IMMP2L: variants seen among roughly 807,000 people sequenced by gnomAD.
IMMP2L encodes the protein inner mitochondrial membrane peptidase subunit 2.
Under a neutral mutation model 19.3 loss-of-function variants are expected in IMMP2L, and 18 were observed. The observed-to-expected ratio is 0.93, with a 90% CI of 0.64 to 1.38. IMMP2L has a LOEUF of 1.38. IMMP2L is among the 40% of genes most tolerant of loss of function. IMMP2L has a pLI of 0.00. For missense variants in IMMP2L, 233 were observed against 218.2 expected (o/e 1.07, Z -0.43); for synonymous variants, 76 against 73.0 (o/e 1.04, Z -0.21).
At chr7:111,023,149 C>T (rs1178288322) in intron 3 of IMMP2L, among the ~76,000 whole-genome samples, 1 of 152,132 alleles carries the variant, frequency 6.6e-6, no homozygotes, top group Non-Finnish European at 1.5e-5. Flanking sequence ...AATGAGATTT[C>T]GCATTTCTCT....
chr7:110,809,340 T>C (rs1801860115), intron 5 of IMMP2L, among the ~76,000 whole-genome samples: 1 of 152,038 alleles, frequency 6.6e-6, no homozygotes, highest in South Asian at 2.1e-4. Flanking sequence ...AAAATACCTG[T>C]CATGCCTATC....
At chr7:111,505,061 G>A (rs913339513) in intron 2 of IMMP2L, among the ~76,000 whole-genome samples, 23 of 151,896 alleles carry the variant, frequency 1.5e-4, no homozygotes, top group Non-Finnish European at 2.2e-4. Context: ...AAAAATTTTC[G>A]CAACCTACTC....
At chr7:111,326,744 G>T (rs1032740977) in intron 3 of IMMP2L, among the ~76,000 whole-genome samples, 9 of 151,774 alleles carry the variant, frequency 5.9e-5, no homozygotes, top group Non-Finnish European at 1.2e-4. Context: ...ATGCACTGTT[G>T]GTGGGAAATG....
chr7:111,110,691 A>G (rs1799096482), intron 3 of IMMP2L, among the ~76,000 whole-genome samples: 1 of 152,130 alleles, frequency 6.6e-6, no homozygotes, highest in South Asian at 2.1e-4. Flanking sequence ...ATATGAAATT[A>G]ATGTTGAGTA....
Position 111,134,795 on chromosome 7 carries a change from T to C in IMMP2L, c.240-171230A>G, listed in dbSNP as rs375153143. ...AAAGCACATCACATCCACCTTCCTG[T>C]GACATTTAAAATACTCATACCTGAA... On this transcript the variant is annotated intron_variant, in intron 3 of 5. Coordinates refer to ENST00000405709, the MANE Select transcript of IMMP2L (RefSeq NM_032549.4). 2.0e-5 allele frequency among the ~76,000 whole-genome samples: 3 copies of C among 152,232 alleles called. No homozygotes were observed. The East Asian group carries it at 5.8e-4, about 29-fold the overall frequency.
chr7:111,329,566 G>C (rs939699866), intron 3 of IMMP2L, among the ~76,000 whole-genome samples: 1 of 151,776 alleles, frequency 6.6e-6, no homozygotes, highest in Non-Finnish European at 1.5e-5. Flanking sequence ...AAAGTGAACA[G>C]TTAGCTCAGA....
intron 3 of IMMP2L, among the ~76,000 whole-genome samples, chr7:110,982,727 A>G (rs1821429582): frequency 6.6e-6 from 1 of 152,148 alleles, no homozygotes; most frequent in African/African-American, 2.4e-5. Context: ...TTATAACTTA[A>G]GGTTTTCTTG....
intron 4 of IMMP2L, among the ~76,000 whole-genome samples, chr7:110,956,518 T>C (rs369747735): frequency 2.6e-5 from 4 of 151,984 alleles, no homozygotes; most frequent in East Asian, 3.9e-4. Flanking sequence ...ATAAAGCAGA[T>C]TACATTTCTT....
intron 5 of IMMP2L, among the ~76,000 whole-genome samples, chr7:110,738,345 AATAG>A (rs1796772550): frequency 6.6e-6 from 1 of 152,184 alleles, no homozygotes. Flanking sequence ...TCTTCAGTGA[AATAG>A]ATAGCATAAA....
chr7:110,763,550 A>G (rs1365154350), intron 5 of IMMP2L, among the ~76,000 whole-genome samples: 2 of 152,072 alleles, frequency 1.3e-5, no homozygotes, highest in Non-Finnish European at 2.9e-5. Flanking sequence ...AGACATCAAA[A>G]TCCCACCTGA....
chr7:111,254,743 C>T (rs1816519660), intron 3 of IMMP2L, among the ~76,000 whole-genome samples: 1 of 152,032 alleles, frequency 6.6e-6, no homozygotes, highest in Admixed American at 6.6e-5. Flanking sequence ...AGTCGTCCTG[C>T]AGAACCCTCA....
intron 3 of IMMP2L, among the ~76,000 whole-genome samples, chr7:110,986,791 G>T (rs1428696793): frequency 2.0e-5 from 3 of 151,150 alleles, no homozygotes; most frequent in Middle Eastern, 3.2e-3. Context: ...ACTATCACTA[G>T]GGTGGATTGA....
At chr7:110,956,747 A>C (rs2129554792) in intron 4 of IMMP2L, among the ~76,000 whole-genome samples, 1 of 152,066 alleles carries the variant, frequency 6.6e-6, no homozygotes, top group South Asian at 2.1e-4. Context: ...ATTCTATAAA[A>C]TGGTATTTCA....
chr7:110,743,293 T>C (rs1186588304), intron 5 of IMMP2L, among the ~76,000 whole-genome samples: 1 of 152,176 alleles, frequency 6.6e-6, no homozygotes, highest in African/African-American at 2.4e-5. Context: ...AAATTATATT[T>C]TAGATAGTAA....
intron 5 of IMMP2L, among the ~76,000 whole-genome samples, chr7:110,702,235 C>T (rs1159864182): frequency 2.0e-5 from 3 of 151,882 alleles, no homozygotes; most frequent in Non-Finnish European, 4.4e-5. Flanking sequence ...ACACTTGGCC[C>T]CTGAATGGTT....
At chr7:111,350,906 G>C (rs1828081591) in intron 3 of IMMP2L, among the ~76,000 whole-genome samples, 1 of 152,124 alleles carries the variant, frequency 6.6e-6, no homozygotes, top group Admixed American at 6.6e-5. Flanking sequence ...TGATGAATTA[G>C]ATGAAAAATA....
chr7:111,538,176 CACTACTAT>C (rs1205700622), intron 1 of IMMP2L, among the ~76,000 whole-genome samples: 1 of 151,076 alleles, frequency 6.6e-6, no homozygotes, highest in Non-Finnish European at 1.5e-5. Flanking sequence ...AACACTTGTT[CACTACTAT>C]ACTTAAGTGC....
At chr7:111,387,975 T>TAAAAAAAA (rs750267136) in intron 3 of IMMP2L, among the ~76,000 whole-genome samples, 7 of 93,392 alleles carry the variant, frequency 7.5e-5, no homozygotes, top group East Asian at 2.9e-4. Context: ...ACTCTGTCTT[T>TAAAAAAAA]AAAAAAAAAA....
At chr7:111,106,138 G>GC (rs1273920841) in intron 3 of IMMP2L, among the ~76,000 whole-genome samples, 1 of 151,934 alleles carries the variant, frequency 6.6e-6, no homozygotes, top group African/African-American at 2.4e-5. Context: ...GCACATTGGA[G>GC]CAGACAAATT....
Sources: allele counts gnomAD v4.1 joint callset (sites outside exome capture counted in the v4.1 genomes callset), GRCh38; gene constraint gnomAD v4.1.1; transcripts MANE v1.5; gene names NCBI Gene and HGNC (gene_info 2026-07-23, HGNC 2026-07-21).